FYN: variants seen among roughly 807,000 people sequenced by gnomAD.
FYN encodes tyrosine-protein kinase Fyn.
FYN carries 10 observed loss-of-function variants against 70.2 expected under a neutral mutation model. The ratio of observed to expected loss-of-function variants is 0.14; its 90% CI spans 0.09 to 0.24. The LOEUF (loss-of-function observed/expected upper bound fraction) is 0.24. Among genes scored for constraint, FYN ranks in the 10% least tolerant of loss-of-function variants. FYN has a pLI of 1.00. For missense variants in FYN, 319 were observed against 673.1 expected (o/e 0.47, Z 5.82); for synonymous variants, 236 against 248.6 (o/e 0.95, Z 0.48).
chr6:111,787,071 T>C (rs1771418938), intron 2 of FYN, among the ~76,000 whole-genome samples: 2 of 152,216 alleles, frequency 1.3e-5, no homozygotes, highest in South Asian at 4.1e-4. Context: ...TTAGTTTAAT[T>C]AGATCCCATT....
In FYN at chr6:111,674,815, C is replaced by T. The variant is rs374678602; in HGVS notation, c.1274-185G>A. On this transcript the variant is annotated intron_variant, in intron 12 of 13. Transcript: ENST00000354650. ...TAGGGTCTGGTCTTGACTGTGTGACCGTAAGTAATCCAGCTCAAAGCACCT... is the reference window on the plus strand; with the variant it reads ...TAGGGTCTGGTCTTGACTGTGTGACTGTAAGTAATCCAGCTCAAAGCACCT... Among the ~76,000 whole-genome samples, 11 of 152,038 alleles carry T rather than the reference C, an allele frequency of 7.2e-5. No individual in the cohort carries two copies. The East Asian group carries it at 9.7e-4, about 13-fold the overall frequency.
At chr6:111,752,694 T>G (rs1350431816) in intron 3 of FYN, among the ~76,000 whole-genome samples, 1 of 152,096 alleles carries the variant, frequency 6.6e-6, no homozygotes. Context: ...AAGAGAGGAC[T>G]TGGACTGAAT....
intron 13 of FYN, among the ~76,000 whole-genome samples, chr6:111,667,488 A>G (rs549054071): frequency 1.3e-5 from 2 of 152,082 alleles, no homozygotes; most frequent in African/African-American, 4.8e-5. Flanking sequence ...TTCTGGCCTC[A>G]AGCGATCCTC....
intron 3 of FYN, among the ~76,000 whole-genome samples, chr6:111,741,921 C>G (rs1032274711): frequency 6.6e-6 from 1 of 152,200 alleles, no homozygotes; most frequent in Non-Finnish European, 1.5e-5. Flanking sequence ...CTGGGCTACA[C>G]TCTGAGATCC....
rs1009018755 is a variant in FYN at position 111,698,155 on chromosome 6, C to T, written c.863-1699G>A. On this transcript the variant is annotated intron_variant, in intron 9 of 13. Transcript: ENST00000354650. ...TTTTTCTTTTCTTGAGACGGAGTTTCGCTTTTGTTGCCCAGGCTGGAGTGC... is the reference window on the plus strand; with the variant it reads ...TTTTTCTTTTCTTGAGACGGAGTTTTGCTTTTGTTGCCCAGGCTGGAGTGC... Among the ~76,000 whole-genome samples the T allele has an allele frequency of 4.1e-5, 6 of 147,200 alleles. No individual in the cohort carries two copies. In the East Asian group the frequency reaches 5.9e-4, roughly 15 times the overall value.
In FYN at chr6:111,708,028, TA is replaced by T; in HGVS notation, c.345-9del. 3 of 1,605,896 alleles carry T rather than the reference TA, an allele frequency of 1.9e-6. No individual in the cohort carries two copies. The highest frequency in any genetic ancestry group is 2.2e-5 in the South Asian group (2 of 90,872). Reference sequence around the variant, plus strand: ...TCCCACCAATCTCCTTCCCTGTAAATAAAAAAGAAAAGTAAATATGTTGACC... The same window carrying T: ...TCCCACCAATCTCCTTCCCTGTAAATAAAAAGAAAAGTAAATATGTTGACC... On this transcript the variant is annotated splice_polypyrimidine_tract_variant and intron_variant, in intron 5 of 13. Coordinates refer to ENST00000354650, the MANE Select transcript of FYN (RefSeq NM_002037.5).
intron 3 of FYN, among the ~76,000 whole-genome samples, chr6:111,732,801 G>A (rs1801528416): frequency 6.6e-6 from 1 of 152,220 alleles, no homozygotes. Flanking sequence ...GGCTTCAACA[G>A]ACAGACAATG....
chr6:111,721,973 G>C (rs1343180300), intron 3 of FYN, among the ~76,000 whole-genome samples: 2 of 152,114 alleles, frequency 1.3e-5, no homozygotes, highest in African/African-American at 4.8e-5. Context: ...GGGCACAGCT[G>C]GCACAGGATG....
chr6:111,788,542 T>C (rs1387665108), intron 2 of FYN, among the ~76,000 whole-genome samples: 3 of 152,258 alleles, frequency 2.0e-5, no homozygotes, highest in South Asian at 2.1e-4. Flanking sequence ...ACAGGGAGCA[T>C]GAATTCCACT....
chr6:111,850,788 G>A (rs1386639265), intron 1 of FYN, among the ~76,000 whole-genome samples: 1 of 152,208 alleles, frequency 6.6e-6, no homozygotes, highest in Non-Finnish European at 1.5e-5. Flanking sequence ...TGCAGTGTGT[G>A]GGACCATCCA....
chr6:111,799,274 A>C (rs1316552446), intron 2 of FYN, among the ~76,000 whole-genome samples: 1 of 152,260 alleles, frequency 6.6e-6, no homozygotes, highest in Non-Finnish European at 1.5e-5. Context: ...TGTCCAAATC[A>C]GAAGTAAATG....
At chr6:111,667,715 T>C (rs1017313493) in intron 13 of FYN, among the ~76,000 whole-genome samples, 2 of 152,236 alleles carry the variant, frequency 1.3e-5, no homozygotes, top group African/African-American at 4.8e-5. Flanking sequence ...TCAACATTCA[T>C]TGTGCTTTCA....
At chr6:111,800,025 G>A (rs2148709) in intron 2 of FYN, among the ~76,000 whole-genome samples, 47,397 of 152,136 alleles carry the variant, frequency 0.31, 12,063 homozygotes, top group African/African-American at 0.71. Context: ...ATATTCAGTA[G>A]TTGCTGTACT....
intron 13 of FYN, among the ~76,000 whole-genome samples, chr6:111,669,350 G>A (rs1319384033): frequency 1.4e-5 from 2 of 142,174 alleles, no homozygotes; most frequent in Admixed American, 1.6e-4. Flanking sequence ...CAGGAGAATC[G>A]CTTGAACCCA....
chr6:111,854,532 A>G (rs910682), intron 1 of FYN, among the ~76,000 whole-genome samples: 41,378 of 152,162 alleles, frequency 0.27, 8,157 homozygotes, highest in African/African-American at 0.56. Context: ...GGTTAATGGA[A>G]AACACAGAAA....
chr6:111,690,163 C>T (rs962012341), intron 12 of FYN, among the ~76,000 whole-genome samples: 4 of 151,472 alleles, frequency 2.6e-5, no homozygotes, highest in African/African-American at 4.9e-5. Context: ...TTGCCTATGT[C>T]GGGGGTCACA....
At chr6:111,698,258 T>C (rs1583323200) in intron 9 of FYN, among the ~76,000 whole-genome samples, 1 of 152,106 alleles carries the variant, frequency 6.6e-6, no homozygotes, top group African/African-American at 2.4e-5. Context: ...CTCAGCCTCC[T>C]GAGTAGCTGG....
intron 3 of FYN, among the ~76,000 whole-genome samples, chr6:111,726,820 C>T (rs932714305): frequency 1.1e-4 from 17 of 152,128 alleles, no homozygotes; most frequent in African/African-American, 3.9e-4. Context: ...GGGGGCAGTT[C>T]CCTCATGCTG....
chr6:111,719,310 C>CAA (rs770724122), intron 4 of FYN, among the ~76,000 whole-genome samples: 23 of 60,210 alleles, frequency 3.8e-4, no homozygotes, highest in East Asian at 1.7e-3. Flanking sequence ...AGGAAACTTC[C>CAA]AAAAAAAAAA....
Sources: gnomAD v4.1 joint callset for allele counts (sites outside exome capture counted in the v4.1 genomes callset) on GRCh38, gnomAD v4.1.1 for gene constraint, MANE v1.5 for transcripts, NCBI Gene and HGNC (gene_info 2026-07-23, HGNC 2026-07-21) for gene names.